Variants in NKAIN3 observed in about 807,000 individuals in gnomAD.
The protein encoded by NKAIN3 is sodium/potassium-transporting ATPase subunit beta-1-interacting protein 3.
In NKAIN3, 25 loss-of-function variants were observed where a neutral mutation model predicts 30.2. The ratio of observed to expected loss-of-function variants is 0.83; its 90% CI spans 0.60 to 1.16. The LOEUF (loss-of-function observed/expected upper bound fraction) is 1.16. Ranked by LOEUF, NKAIN3 falls within the 50% of genes most tolerant of loss-of-function variation. The pLI is 0.00. For missense variants in NKAIN3, 225 were observed against 254.1 expected (o/e 0.89, Z 0.78); for synonymous variants, 91 against 89.6 (o/e 1.02, Z -0.09).
chr8:62,992,815 GA>G (rs1391321825), intron 5 of NKAIN3, among the ~76,000 whole-genome samples: 4 of 152,148 alleles, frequency 2.6e-5, no homozygotes, highest in African/African-American at 9.7e-5. Context: ...TTAAAGGCAA[GA>G]TTTTTTTCTG....
intron 4 of NKAIN3, among the ~76,000 whole-genome samples, chr8:62,909,105 T>A (rs1043612543): frequency 3.3e-5 from 5 of 152,288 alleles, no homozygotes; most frequent in Non-Finnish European, 7.3e-5. Context: ...CTTAATAAGA[T>A]TCACAACTAG....
intron 1 of NKAIN3, among the ~76,000 whole-genome samples, chr8:62,331,584 G>T (rs1415067057): frequency 6.6e-6 from 1 of 152,250 alleles, no homozygotes; most frequent in Non-Finnish European, 1.5e-5. Flanking sequence ...AAACAGGAAA[G>T]TACTGAACAT....
chr8:62,343,456 T>G (rs774898115), intron 1 of NKAIN3, among the ~76,000 whole-genome samples: 1 of 152,074 alleles, frequency 6.6e-6, no homozygotes, highest in African/African-American at 2.4e-5. Context: ...CTACTATAAA[T>G]TTTACTATTC....
intron 1 of NKAIN3, among the ~76,000 whole-genome samples, chr8:62,567,257 A>T (rs977335522): frequency 1.3e-5 from 2 of 152,088 alleles, no homozygotes; most frequent in African/African-American, 4.8e-5. Context: ...CTGGGGTTGG[A>T]AGAAGAAAAA....
chr8:62,287,447 G>A (rs777994336), intron 1 of NKAIN3, among the ~76,000 whole-genome samples: 3 of 151,966 alleles, frequency 2.0e-5, no homozygotes, highest in Non-Finnish European at 4.4e-5. Flanking sequence ...TAGTTTTGTA[G>A]TCTATTAAAA....
chr8:62,915,623 G>C (rs774352646), intron 4 of NKAIN3, among the ~76,000 whole-genome samples: 3 of 152,162 alleles, frequency 2.0e-5, no homozygotes, highest in Admixed American at 6.5e-5. Context: ...ATGCAAGAGA[G>C]TTCTTGATTT....
chr8:62,632,922 G>A (rs1812010113), intron 3 of NKAIN3, among the ~76,000 whole-genome samples: 1 of 152,096 alleles, frequency 6.6e-6, no homozygotes, highest in Non-Finnish European at 1.5e-5. Context: ...TCTGCCTAGG[G>A]GAAATGCCCC....
intron 1 of NKAIN3, among the ~76,000 whole-genome samples, chr8:62,252,445 TA>T (rs1313556975): frequency 2.0e-5 from 3 of 152,202 alleles, no homozygotes; most frequent in African/African-American, 7.2e-5. Flanking sequence ...GGAGAAAACA[TA>T]TCCTTTTCAA....
intron 5 of NKAIN3, among the ~76,000 whole-genome samples, chr8:62,919,343 C>G (rs1290995730): frequency 1.4e-5 from 2 of 142,190 alleles, no homozygotes; most frequent in East Asian, 4.3e-4. Context: ...CTCCCAGGTT[C>G]ACACCATTCT....
chr8:62,872,774 T>C (rs1820685873), intron 4 of NKAIN3, among the ~76,000 whole-genome samples: 1 of 152,112 alleles, frequency 6.6e-6, no homozygotes, highest in African/African-American at 2.4e-5. Flanking sequence ...TTAAGCTTCA[T>C]AAGCAAAGGA....
chr8:62,965,906 T>C lies in NKAIN3; in HGVS notation c.*499T>C. ...ACAAATAATGGATCCAGCTTTTGGA[T>C]TGAATATGGGTCATTTTTTCAACAG... On this transcript the variant is annotated 3_prime_UTR_variant, in exon 7 of 7. Coordinates refer to ENST00000623646, the MANE Select transcript of NKAIN3 (RefSeq NM_001304533.3). 3 of 985,358 alleles carry C rather than the reference T, an allele frequency of 3.0e-6. No homozygotes were observed. Among genetic ancestry groups the C allele is most frequent in the Non-Finnish European group, 3.6e-6 (3 of 829,900 alleles). 61.0% of individuals were successfully genotyped at this position (985,358 alleles called of 1,614,324 possible). A position where few individuals can be genotyped will look rare whatever the true frequency, so the allele number is the denominator to read the frequency against.
In NKAIN3 at chr8:62,863,847, G is replaced by A. The variant is rs958563805; in HGVS notation, c.472-54606G>A. ...TTGAAGAGGTCTGCAATTTTCACTG[G>A]ATGATAGCCACCTTTGCAGTAGTCC... On this transcript the variant is annotated intron_variant, in intron 4 of 6. Coordinates refer to ENST00000623646, the MANE Select transcript of NKAIN3 (RefSeq NM_001304533.3). The A allele has an allele frequency of 1.9e-5, 31 of 1,600,446 alleles. No individual in the cohort carries two copies. In the South Asian group the frequency reaches 3.3e-4, roughly 17 times the overall value.
At chr8:62,856,201 A>C in intron 4 of NKAIN3, 1 of 789,076 alleles carries the variant, frequency 1.3e-6, no homozygotes, top group Non-Finnish European at 2.3e-6. Flanking sequence ...TATTTGTATT[A>C]AATGTCTGGG....
At chr8:62,410,996 A>T (rs1310367803) in intron 1 of NKAIN3, among the ~76,000 whole-genome samples, 1 of 152,210 alleles carries the variant, frequency 6.6e-6, no homozygotes, top group Admixed American at 6.5e-5. Context: ...TACTGAAAAT[A>T]TTCCAAAAAA....
chr8:62,676,648 T>G (rs1203948577), intron 3 of NKAIN3, among the ~76,000 whole-genome samples: 1 of 152,130 alleles, frequency 6.6e-6, no homozygotes, highest in Non-Finnish European at 1.5e-5. Flanking sequence ...TCTCTAACTT[T>G]GTGGTTAAGT....
At chr8:62,608,949 A>C (rs1811206190) in intron 3 of NKAIN3, among the ~76,000 whole-genome samples, 1 of 152,152 alleles carries the variant, frequency 6.6e-6, no homozygotes, top group African/African-American at 2.4e-5. Context: ...TGTTTGACTA[A>C]ATGTTAGACT....
intron 3 of NKAIN3, among the ~76,000 whole-genome samples, chr8:62,620,987 G>A (rs1390271507): frequency 1.3e-5 from 2 of 152,176 alleles, no homozygotes; most frequent in Non-Finnish European, 2.9e-5. Context: ...GCTCTTAAAA[G>A]TGGCTGAAAC....
At chr8:62,407,502 A>C (rs1005532749) in intron 1 of NKAIN3, among the ~76,000 whole-genome samples, 1 of 150,634 alleles carries the variant, frequency 6.6e-6, no homozygotes, top group Non-Finnish European at 1.5e-5. Context: ...AGTTCAAGTG[A>C]TTCTCCTGCT....
chr8:62,609,496 G>A (rs111449176), intron 3 of NKAIN3, among the ~76,000 whole-genome samples: 6 of 152,160 alleles, frequency 3.9e-5, no homozygotes, highest in African/African-American at 1.4e-4. Context: ...AGTTTATTGG[G>A]CATCTGCTCT....
Sources: allele counts gnomAD v4.1 joint callset (sites outside exome capture counted in the v4.1 genomes callset), GRCh38; gene constraint gnomAD v4.1.1; transcripts MANE v1.5; gene names NCBI Gene and HGNC (gene_info 2026-07-23, HGNC 2026-07-21).